The following FAM135B variants were observed in gnomAD, a reference collection of about 807,000 sequenced individuals.
FAM135B encodes the protein family with sequence similarity 135 member B, also known as protein FAM135B.
FAM135B carries 43 observed loss-of-function variants against 127.7 expected under a neutral mutation model. The observed-to-expected ratio is 0.34, with a 90% confidence interval of 0.26 to 0.43. FAM135B has a LOEUF of 0.43. Ranked by LOEUF, FAM135B falls within the 20% of genes least tolerant of loss-of-function variation. The pLI, the probability that FAM135B is intolerant of heterozygous loss-of-function variation, is 1.00. For synonymous variants in FAM135B, 670 were observed against 665.1 expected (o/e 1.01, Z -0.11); for missense variants, 1,558 against 1,725.6 (o/e 0.90, Z 1.72).
rs151306662 is a variant in FAM135B at position 138,208,472 on chromosome 8, G to A, written c.670-10803C>T. On this transcript the variant is annotated intron_variant, in intron 7 of 19. Coordinates refer to ENST00000395297, the MANE Select transcript of FAM135B (RefSeq NM_015912.4). Reference sequence around the variant, plus strand: ...TTTTCTTTCCTCTCTGTTTCTAAGTGTTGTTTTATCAGCATTTTTAAAAAA... The same window carrying A: ...TTTTCTTTCCTCTCTGTTTCTAAGTATTGTTTTATCAGCATTTTTAAAAAA... 2.3e-3 allele frequency among the ~76,000 whole-genome samples: 356 copies of A among 152,184 alleles called. 2 individuals are homozygous for A. The highest frequency in any genetic ancestry group is 7.9e-3 in the African/African-American group (328 of 41,532).
chr8:138,272,933 A>C (rs58003928), intron 3 of FAM135B, among the ~76,000 whole-genome samples: 5,302 of 152,264 alleles, frequency 0.035, 250 homozygotes, highest in African/African-American at 0.11. Context: ...CAAAGAACTT[A>C]CCCAGTGTAA....
chr8:138,460,970 C>T (rs1428600774), intron 1 of FAM135B, among the ~76,000 whole-genome samples: 1 of 152,184 alleles, frequency 6.6e-6, no homozygotes, highest in Admixed American at 6.5e-5. Context: ...ACAGCCAAAG[C>T]TCCTGTATTC....
chr8:138,303,690 C>G (rs1274477528), intron 3 of FAM135B, among the ~76,000 whole-genome samples: 6 of 152,192 alleles, frequency 3.9e-5, no homozygotes, highest in Non-Finnish European at 7.3e-5. Flanking sequence ...ATTATTCCTG[C>G]CAGATGTGGC....
At chr8:138,301,959 GC>G (rs1236038611) in intron 3 of FAM135B, among the ~76,000 whole-genome samples, 3 of 152,110 alleles carry the variant, frequency 2.0e-5, no homozygotes, top group Admixed American at 6.6e-5. Context: ...CACACAGGAG[GC>G]CCTCAAGAAG....
At chr8:138,425,112 C>T (rs900635485) in intron 1 of FAM135B, among the ~76,000 whole-genome samples, 1 of 152,154 alleles carries the variant, frequency 6.6e-6, no homozygotes, top group Non-Finnish European at 1.5e-5. Flanking sequence ...ATAAGAGCTA[C>T]CATAATGTGT....
chr8:138,218,796 GAGAGAGAGGGAGAGAA>G lies in FAM135B; in HGVS notation c.670-21143_670-21128del, dbSNP rs1308984918. Among the ~76,000 whole-genome samples the G allele has an allele frequency of 1.2e-3, 25 of 21,386 alleles. No individual in the cohort carries two copies. In the East Asian group the frequency reaches 0.029, roughly 25 times the overall value. 14.0% of individuals were successfully genotyped at this position (21,386 alleles called of 152,430 possible). The stretch of plus-strand genomic sequence containing the variant: ...AGAGAGAGAGAGAGAGAGAGAGAGA[GAGAGAGAGGGAGAGAA>G]AGAGAGAGAGAGAGATTTATGAATA... On this transcript the variant is annotated intron_variant, in intron 7 of 19. Transcript: ENST00000395297.
At chr8:138,367,870 C>T in intron 2 of FAM135B, 37 bp downstream of exon 2, 1 of 1,438,218 alleles carries the variant, frequency 7.0e-7, no homozygotes. Flanking sequence ...AACACACACA[C>T]ACACACACAC....
chr8:138,488,480 T>C (rs1234157581), intron 1 of FAM135B, among the ~76,000 whole-genome samples: 2 of 150,384 alleles, frequency 1.3e-5, no homozygotes, highest in Non-Finnish European at 2.9e-5. Flanking sequence ...GTTATTTAAC[T>C]AGGTTGTCCA....
At chr8:138,321,652 CT>C (rs1305767842) in intron 2 of FAM135B, among the ~76,000 whole-genome samples, 16 of 152,190 alleles carry the variant, frequency 1.1e-4, no homozygotes, top group African/African-American at 3.4e-4. Context: ...AGTAATTTTC[CT>C]CATAGTGCCA....
At chr8:138,339,112 G>T (rs1227047784) in intron 2 of FAM135B, among the ~76,000 whole-genome samples, 1 of 148,782 alleles carries the variant, frequency 6.7e-6, no homozygotes, top group Non-Finnish European at 1.5e-5. Flanking sequence ...GCCTGTCATG[G>T]GGTGGGGGAG....
intron 2 of FAM135B, among the ~76,000 whole-genome samples, chr8:138,335,440 A>G (rs562935570): frequency 3.9e-5 from 6 of 152,362 alleles, no homozygotes; most frequent in Non-Finnish European, 7.3e-5. Flanking sequence ...AAACAAAAAA[A>G]GGCAGGGGTT....
At chr8:138,369,407 C>G (rs1830975103) in intron 1 of FAM135B, among the ~76,000 whole-genome samples, 1 of 152,150 alleles carries the variant, frequency 6.6e-6, no homozygotes, top group African/African-American at 2.4e-5. Flanking sequence ...TCAGGCTAGG[C>G]CAGATCCCAC....
chr8:138,427,610 C>T (rs181017136), intron 1 of FAM135B, among the ~76,000 whole-genome samples: 11 of 152,078 alleles, frequency 7.2e-5, no homozygotes, highest in Middle Eastern at 3.4e-3. Context: ...AGTGAGTAAA[C>T]GTGTCCTGTA....
intron 13 of FAM135B, 129 bp from the exon 14 acceptor site, chr8:138,148,815 T>G: frequency 1.6e-6 from 1 of 618,132 alleles, no homozygotes; most frequent in Non-Finnish European, 2.7e-6. Flanking sequence ...AAAGCTGACT[T>G]GAGCCCCCAG....
chr8:138,163,465 A>C (rs4128796), intron 12 of FAM135B, among the ~76,000 whole-genome samples: 52,755 of 151,926 alleles, frequency 0.35, 10,275 homozygotes, highest in Middle Eastern at 0.45. Flanking sequence ...AGCTCCCTTA[A>C]TTCCCATATG....
rs1208197799 is a variant in FAM135B at position 138,195,221 on chromosome 8, CCATT to C, written c.873+33_873+36del. The C allele has an allele frequency of 3.1e-6, 5 of 1,600,180 alleles. No homozygotes were observed. The African/African-American group carries it at 6.7e-5, about 22-fold the overall frequency. Reference sequence around the variant, plus strand: ...CTGCATTTGCCTTGCAAAACTACTGCCATTCATTCAGACCCCAGCGCCAGTTCTC... The same window carrying C: ...CTGCATTTGCCTTGCAAAACTACTGCCATTCAGACCCCAGCGCCAGTTCTC... On this transcript the variant is annotated intron_variant, in intron 9 of 19. Coordinates refer to ENST00000395297, the MANE Select transcript of FAM135B (RefSeq NM_015912.4).
intron 4 of FAM135B, among the ~76,000 whole-genome samples, chr8:138,259,905 A>T (rs547425774): frequency 2.6e-4 from 40 of 152,330 alleles, no homozygotes; most frequent in African/African-American, 9.6e-4. Context: ...AATATTAAAG[A>T]TAGCTATAGT....
chr8:138,249,370 C>T (rs542726266), intron 6 of FAM135B, among the ~76,000 whole-genome samples: 10 of 152,294 alleles, frequency 6.6e-5, no homozygotes, highest in South Asian at 6.2e-4. Context: ...TCTACCACAA[C>T]GGCATTTACC....
At chr8:138,225,447 CA>C (rs1178038402) in intron 7 of FAM135B, among the ~76,000 whole-genome samples, 1 of 109,032 alleles carries the variant, frequency 9.2e-6, no homozygotes, top group African/African-American at 3.7e-5. Context: ...CTATTTAAGC[CA>C]AAAAAACAAA....
Sources: gnomAD v4.1 joint callset for allele counts (sites outside exome capture counted in the v4.1 genomes callset) on GRCh38, gnomAD v4.1.1 for gene constraint, MANE v1.5 for transcripts, NCBI Gene and HGNC (gene_info 2026-07-23, HGNC 2026-07-21) for gene names.